Variants in SDK2 observed in about 807,000 individuals in gnomAD.
SDK2 encodes protein sidekick-2.
SDK2 carries 105 observed loss-of-function variants against 253.9 expected under a neutral mutation model. That is an observed-to-expected ratio of 0.41 (90% CI 0.35 to 0.49). The LOEUF is 0.49. Ranked by LOEUF, SDK2 falls within the 20% of genes least tolerant of loss-of-function variation. The probability of loss-of-function intolerance (pLI) is 0.06; values close to 1 mark genes in which losing one functional copy is unlikely to be tolerated. For missense variants in SDK2, 2,608 were observed against 3,003.0 expected, an observed-to-expected ratio of 0.87 and a Z score of 3.07; for synonymous variants, 1,249 against 1,234.9, an observed-to-expected ratio of 1.01 and a Z score of -0.24.
At chr17:73,427,853 G>C (rs1313375475) in intron 12 of SDK2, among the ~76,000 whole-genome samples, 1 of 152,044 alleles carries the variant, frequency 6.6e-6, no homozygotes, top group Non-Finnish European at 1.5e-5. Flanking sequence ...AGATAAGCTG[G>C]ATTTCATTAA....
chr17:73,537,066 G>A (rs540220259), intron 1 of SDK2, among the ~76,000 whole-genome samples: 86 of 152,322 alleles, frequency 5.6e-4, no homozygotes, highest in Middle Eastern at 3.4e-3. Context: ...ATCGTAGCAT[G>A]GTGCTGGTTG....
chr17:73,412,374 G>A (rs1034967220), intron 18 of SDK2, among the ~76,000 whole-genome samples: 1 of 151,018 alleles, frequency 6.6e-6, no homozygotes, highest in Non-Finnish European at 1.5e-5. Context: ...CCAACCTCAG[G>A]TAATCCACCC....
At chr17:73,608,842 C>T (rs886646682) in intron 1 of SDK2, among the ~76,000 whole-genome samples, 2 of 152,130 alleles carry the variant, frequency 1.3e-5, no homozygotes, top group African/African-American at 4.8e-5. Flanking sequence ...AAAGGATCAC[C>T]GTGGCTACTG....
intron 40 of SDK2, among the ~76,000 whole-genome samples, chr17:73,354,912 A>C (rs2062573580): frequency 6.6e-6 from 1 of 151,838 alleles, no homozygotes. Flanking sequence ...TCATAGACCC[A>C]GCCGTGTAAG....
intron 12 of SDK2, among the ~76,000 whole-genome samples, chr17:73,426,460 T>C (rs1160699207): frequency 6.6e-6 from 1 of 152,084 alleles, no homozygotes; most frequent in Non-Finnish European, 1.5e-5. Context: ...TTTTATTGGA[T>C]GCACATGTGT....
rs1208016846 is a variant in SDK2 at position 73,377,205 on chromosome 17, ATTCCTTTTTTTTTT to A, written c.4980+1958_4980+1971del. Among the ~76,000 whole-genome samples the A allele has an allele frequency of 3.4e-5, 5 of 147,974 alleles. No individual in the cohort carries two copies. In the East Asian group the frequency reaches 1.0e-3, roughly 30 times the overall value. On this transcript the variant is annotated intron_variant, in intron 36 of 44. Transcript: ENST00000392650. ...CCAGCTCTTCCAACCAGACAGACAC[ATTCCTTTTTTTTTT>A]TTCTTTTTTTTTTTTTGGAGACAGA... is the stretch of plus-strand genomic sequence containing the variant.
chr17:73,456,670 C>T (rs2063527822), intron 3 of SDK2, among the ~76,000 whole-genome samples: 2 of 152,140 alleles, frequency 1.3e-5, no homozygotes, highest in Admixed American at 1.3e-4. Flanking sequence ...AACATAAATA[C>T]CATATTGCTC....
chr17:73,380,294 G>T (rs768562432), intron 34 of SDK2, among the ~76,000 whole-genome samples: 2 of 152,132 alleles, frequency 1.3e-5, no homozygotes, highest in Non-Finnish European at 2.9e-5. Flanking sequence ...AGGAGGAAGA[G>T]AATTTAGCCT....
At chr17:73,350,190 T>TGTGCACTGCTGGGCCTGGCCCCCCACCC in intron 43 of SDK2, 47 bp downstream of exon 43, 1 of 163,682 alleles carries the variant, frequency 6.1e-6, no homozygotes, top group Non-Finnish European at 9.7e-6. Flanking sequence ...TCTCCCCACC[T>TGTGCACTGCTGGGCCTGGCCCCCCACCC]GGGCACTGCT....
chr17:73,454,712 A>G lies in SDK2; in HGVS notation c.479+1194T>C, dbSNP rs1264351339. Among the ~76,000 whole-genome samples, 4 of 152,098 alleles carry G rather than the reference A, an allele frequency of 2.6e-5. No homozygotes were observed. The East Asian group carries it at 7.7e-4, about 29-fold the overall frequency. On this transcript the variant is annotated intron_variant, in intron 4 of 44. Coordinates refer to ENST00000392650, the MANE Select transcript of SDK2 (RefSeq NM_001144952.2). ...TTATGATGATGGTGATATTATCATTATTTGAGATGGAGTCTGGTTTTGTCT... is the reference window on the plus strand; with the variant it reads ...TTATGATGATGGTGATATTATCATTGTTTGAGATGGAGTCTGGTTTTGTCT...
chr17:73,641,892 C>T (rs1447037413), intron 1 of SDK2, among the ~76,000 whole-genome samples: 9 of 152,156 alleles, frequency 5.9e-5, no homozygotes, highest in Admixed American at 2.6e-4. Flanking sequence ...CCTAGGACCA[C>T]GTTCCCACAA....
chr17:73,387,701 T>C (rs2062884535), intron 30 of SDK2, 135 bp downstream of exon 30: 2 of 733,844 alleles, frequency 2.7e-6, no homozygotes, highest in Non-Finnish European at 2.2e-6. Context: ...GGGGGCCGCC[T>C]GGGTGGTGCA....
intron 1 of SDK2, among the ~76,000 whole-genome samples, chr17:73,527,467 A>T (rs1040069973): frequency 6.6e-6 from 1 of 152,170 alleles, no homozygotes; most frequent in Non-Finnish European, 1.5e-5. Flanking sequence ...AGCCTGGCCC[A>T]TTCACATCTG....
chr17:73,499,026 G>T (rs905194881), intron 2 of SDK2, among the ~76,000 whole-genome samples: 3 of 152,190 alleles, frequency 2.0e-5, no homozygotes, highest in Admixed American at 1.3e-4. Flanking sequence ...ACTGCTGCCC[G>T]TAAGAGCTTG....
chr17:73,393,254 A>AG (rs1325552706), intron 27 of SDK2, among the ~76,000 whole-genome samples: 1 of 142,408 alleles, frequency 7.0e-6, no homozygotes, highest in Non-Finnish European at 1.5e-5. Flanking sequence ...AAAAAAAAAA[A>AG]AAAAAAAAAA....
chr17:73,403,367 A>G (rs2063045038), intron 18 of SDK2, among the ~76,000 whole-genome samples: 1 of 152,286 alleles, frequency 6.6e-6, no homozygotes. Flanking sequence ...AGAAAGTCCC[A>G]TCTGGAAATC....
intron 1 of SDK2, among the ~76,000 whole-genome samples, chr17:73,528,815 G>A (rs144891591): frequency 5.9e-5 from 9 of 152,242 alleles, no homozygotes; most frequent in East Asian, 1.9e-4. Context: ...TGAGAGGAGC[G>A]TCCCCTGGCC....
chr17:73,421,573 C>CTT (rs36068491), intron 15 of SDK2, among the ~76,000 whole-genome samples: 6,176 of 90,660 alleles, frequency 0.068, 768 homozygotes, highest in African/African-American at 0.2. Flanking sequence ...CAATTTCCAT[C>CTT]TTTTTTTTTT....
At chr17:73,604,492 C>T (rs986484150) in intron 1 of SDK2, among the ~76,000 whole-genome samples, 2 of 152,236 alleles carry the variant, frequency 1.3e-5, no homozygotes, top group African/African-American at 4.8e-5. Flanking sequence ...CGGTGGGCAG[C>T]TGGCTTAAAG....
Sources: gnomAD v4.1 joint callset for allele counts (sites outside exome capture counted in the v4.1 genomes callset) on GRCh38, gnomAD v4.1.1 for gene constraint, MANE v1.5 for transcripts, NCBI Gene and HGNC (gene_info 2026-07-23, HGNC 2026-07-21) for gene names.